Variants in SPIRE1 observed in about 807,000 individuals in gnomAD.
The protein encoded by SPIRE1 is protein spire homolog 1.
A neutral mutation model predicts 94.1 loss-of-function variants in SPIRE1; 40 were observed. The observed-to-expected ratio is 0.43, with a 90% CI of 0.33 to 0.55. SPIRE1 has a LOEUF of 0.55. Among genes scored for constraint, SPIRE1 ranks in the 20% least tolerant of loss-of-function variants. The probability of loss-of-function intolerance (pLI) is 0.06; values close to 1 mark genes in which losing one functional copy is unlikely to be tolerated. For synonymous variants in SPIRE1, 376 were observed against 371.7 expected (o/e 1.01, Z -0.13); for missense variants, 838 against 975.2 (o/e 0.86, Z 1.87).
chr18:12,628,711 TC>T (rs2037698486), intron 2 of SPIRE1, among the ~76,000 whole-genome samples: 2 of 152,212 alleles, frequency 1.3e-5, no homozygotes, highest in African/African-American at 4.8e-5. Context: ...TGTTTGTGTC[TC>T]TCTCTTATTT....
intron 12 of SPIRE1, among the ~76,000 whole-genome samples, chr18:12,462,346 T>G (rs1483082729): frequency 1.3e-5 from 2 of 152,262 alleles, no homozygotes; most frequent in Non-Finnish European, 1.5e-5. Flanking sequence ...CTATTATTTT[T>G]TATTCATGAA....
At chr18:12,531,807 A>G (rs1432473248) in intron 4 of SPIRE1, among the ~76,000 whole-genome samples, 1 of 152,220 alleles carries the variant, frequency 6.6e-6, no homozygotes, top group African/African-American at 2.4e-5. Flanking sequence ...AGATTAAAGG[A>G]TACTACCATT....
chr18:12,572,676 G>T (rs769744486), intron 2 of SPIRE1, among the ~76,000 whole-genome samples: 1 of 152,136 alleles, frequency 6.6e-6, no homozygotes, highest in Non-Finnish European at 1.5e-5. Context: ...ACTGGCAAAA[G>T]AAATGATAAA....
intron 6 of SPIRE1, among the ~76,000 whole-genome samples, chr18:12,497,241 A>G (rs538108861): frequency 6.6e-6 from 1 of 152,360 alleles, no homozygotes; most frequent in African/African-American, 2.4e-5. Context: ...GTGGAGGACC[A>G]GTCTGTCTCT....
intron 4 of SPIRE1, among the ~76,000 whole-genome samples, chr18:12,528,755 T>A (rs1002304671): frequency 3.9e-5 from 6 of 152,106 alleles, no homozygotes; most frequent in African/African-American, 9.7e-5. Flanking sequence ...CAAGGTAAGG[T>A]AGACACAGTG....
chr18:12,658,525 G>C (rs1187596498), upstream of SPIRE1: 4 of 466,776 alleles, frequency 8.6e-6, no homozygotes, highest in Non-Finnish European at 1.3e-5. Flanking sequence ...GCCAACCCGG[G>C]TCACCGCCCT....
chr18:12,568,894 C>G (rs1021244730), intron 2 of SPIRE1, among the ~76,000 whole-genome samples: 4 of 152,140 alleles, frequency 2.6e-5, no homozygotes, highest in African/African-American at 9.7e-5. Flanking sequence ...CCAGCGTGAT[C>G]CAGCCTGAAC....
At chr18:12,507,127 A>G (rs1245184810) in intron 5 of SPIRE1, among the ~76,000 whole-genome samples, 1 of 152,192 alleles carries the variant, frequency 6.6e-6, no homozygotes, top group Non-Finnish European at 1.5e-5. Flanking sequence ...TGGTCCCGGG[A>G]TAAAGATGAG....
chr18:12,602,174 T>C (rs1287785222), intron 2 of SPIRE1, among the ~76,000 whole-genome samples: 1 of 152,156 alleles, frequency 6.6e-6, no homozygotes, highest in Non-Finnish European at 1.5e-5. Flanking sequence ...TTGTTGCTTG[T>C]AGTTGAAGGC....
chr18:12,533,645 A>T (rs2034753283), intron 4 of SPIRE1, among the ~76,000 whole-genome samples: 2 of 152,170 alleles, frequency 1.3e-5, no homozygotes, highest in African/African-American at 2.4e-5. Context: ...TTAAGAGCTC[A>T]TTTAATTTCC....
intron 8 of SPIRE1, among the ~76,000 whole-genome samples, chr18:12,487,283 A>G (rs1316964143): frequency 6.6e-6 from 1 of 152,252 alleles, no homozygotes; most frequent in Non-Finnish European, 1.5e-5. Context: ...TGTAAAGGAA[A>G]AAACATAGTA....
chr18:12,604,972 T>C (rs368229295), intron 2 of SPIRE1, among the ~76,000 whole-genome samples: 1 of 151,870 alleles, frequency 6.6e-6, no homozygotes, highest in Non-Finnish European at 1.5e-5. Context: ...GAGGACATTA[T>C]GCTAAACGAA....
intron 2 of SPIRE1, among the ~76,000 whole-genome samples, chr18:12,599,115 GACC>G (rs765009489): frequency 5.9e-5 from 9 of 152,040 alleles, no homozygotes; most frequent in East Asian, 5.8e-4. Context: ...TGTCTTAGAT[GACC>G]ACAATATAAT....
At chr18:12,464,819 T>C in intron 11 of SPIRE1, 49 bp downstream of exon 11, 3 of 1,513,176 alleles carry the variant, frequency 2.0e-6, no homozygotes, top group African/African-American at 2.7e-5. Context: ...GTCAAGTGTG[T>C]TTTGTAGTAA....
intron 2 of SPIRE1, among the ~76,000 whole-genome samples, chr18:12,599,438 T>A (rs7226376): frequency 0.15 from 22,211 of 152,044 alleles, 1,826 homozygotes; most frequent in African/African-American, 0.2. Context: ...TTTAAAAAAA[T>A]TTTTTTATAG....
intron 2 of SPIRE1, among the ~76,000 whole-genome samples, chr18:12,600,985 C>A (rs760432491): frequency 4.6e-5 from 7 of 152,116 alleles, no homozygotes; most frequent in Non-Finnish European, 8.8e-5. Context: ...GACTCCTAAA[C>A]AGCTGAGGTT....
intron 10 of SPIRE1, among the ~76,000 whole-genome samples, chr18:12,467,418 A>G (rs1400902962): frequency 6.6e-6 from 1 of 152,222 alleles, no homozygotes; most frequent in Non-Finnish European, 1.5e-5. Flanking sequence ...GTAATCTCCA[A>G]AAAACCTAGC....
intron 10 of SPIRE1, among the ~76,000 whole-genome samples, chr18:12,474,042 A>T (rs1241355893): frequency 6.6e-6 from 1 of 152,262 alleles, no homozygotes; most frequent in African/African-American, 2.4e-5. Flanking sequence ...TTAAAATGTA[A>T]AACAAACAAA....
At chr18:12,460,178 G>A (rs942507497) in intron 12 of SPIRE1, among the ~76,000 whole-genome samples, 5 of 152,186 alleles carry the variant, frequency 3.3e-5, no homozygotes, top group East Asian at 1.9e-4. Context: ...TTAGGGTCCT[G>A]CAAACACTCT....
Sources: gnomAD v4.1 joint callset for allele counts (sites outside exome capture counted in the v4.1 genomes callset) on GRCh38, gnomAD v4.1.1 for gene constraint, MANE v1.5 for transcripts, NCBI Gene and HGNC (gene_info 2026-07-23, HGNC 2026-07-21) for gene names.